The following ZBTB39 variants were observed in gnomAD, a reference collection of about 807,000 sequenced individuals.
The protein encoded by ZBTB39 is zinc finger and BTB domain containing 39, also known as zinc finger and BTB domain-containing protein 39.
ZBTB39 carries 25 observed loss-of-function variants against 39.4 expected under a neutral mutation model. That is an observed-to-expected ratio of 0.63 (90% CI 0.46 to 0.89). The LOEUF (loss-of-function observed/expected upper bound fraction) is 0.89, where lower values mean the gene tolerates loss of function less well. Among genes scored for constraint, ZBTB39 ranks in the 40% least tolerant of loss-of-function variants. The pLI, the probability that ZBTB39 is intolerant of heterozygous loss-of-function variation, is 0.00. For synonymous variants in ZBTB39, 373 were observed against 359.6 expected (o/e 1.04, Z -0.42); for missense variants, 891 against 909.7 (o/e 0.98, Z 0.26).
rs983338125 is a variant in ZBTB39 at position 57,003,844 on chromosome 12, C to T, written c.1074G>A (p.Leu358=). The T allele has an allele frequency of 1.2e-6, 2 of 1,614,074 alleles. No individual in the cohort carries two copies. The highest frequency in any genetic ancestry group is 2.7e-5 in the African/African-American group (2 of 74,922). ...CATGGTCCCGAGCATGCTGCCGGAT[C>T]AGTTGAATGTTGGGCTCTAGAACTT... is the stretch of plus-strand genomic sequence containing the variant. ...CKKVLEPNIQ[L]IRQHARDHVD... The change falls in exon 2 of 2, where the codon CTG becomes CTA. Residue 358 remains leucine (L), a synonymous_variant. Transcript: ENST00000300101. This position sits in a 1 kb window ranked among gnomAD's most constrained non-coding sequence, Gnocchi z 4.8.
Position 56,998,933 on chromosome 12 carries a change from A to C in ZBTB39, c.*3846T>G, listed in dbSNP as rs183341835. Reference sequence around the variant, plus strand: ...TGTACAATGATTTTAGACATCTACTATTTGGGGAAAAAAGTTTACAAAATA... The same window carrying C: ...TGTACAATGATTTTAGACATCTACTCTTTGGGGAAAAAAGTTTACAAAATA... On this transcript the variant is annotated 3_prime_UTR_variant, in exon 2 of 2. Coordinates refer to ENST00000300101, the MANE Select transcript of ZBTB39 (RefSeq NM_014830.3). 6.5e-6 allele frequency: 1 copy of C among 152,806 alleles called. No homozygotes were observed. The highest frequency in any genetic ancestry group is 1.9e-4 in the East Asian group (1 of 5,196). The allele number at this position is 152,806 out of a possible 1,614,324, so 9.5% of individuals were successfully genotyped here. A position where few individuals can be genotyped will look rare whatever the true frequency, so the allele number is the denominator to read the frequency against.
rs747749909 is a variant in ZBTB39, at chr12:57,002,789, G to A, written c.2129C>T (p.Pro710Leu). Reference sequence around the variant, plus strand: ...TCTGCCGGGACCCAGTCAACTGTCCGGGTTCTTATCCGCCTCTTTGGAATG... The same window carrying A: ...TCTGCCGGGACCCAGTCAACTGTCCAGGTTCTTATCCGCCTCTTTGGAATG... ...IIHSKEADKN[P>L]DS The change falls in exon 2 of 2, where the codon CCG (proline) becomes CTG (leucine). Residue 710 changes from proline to leucine, a missense_variant. Pro to Leu is a moderately conservative substitution (Grantham distance 98). Coordinates refer to ENST00000300101, the MANE Select transcript of ZBTB39 (RefSeq NM_014830.3). 1.9e-5 allele frequency: 31 copies of A among 1,613,424 alleles called. No individual in the cohort carries two copies. Among genetic ancestry groups the A allele is most frequent in the East Asian group, 2.2e-5 (1 of 44,884 alleles).
At position 57,003,455 on chromosome 12, in the gene ZBTB39, C is replaced by T. The variant is rs773932686; in HGVS notation, c.1463G>A (p.Arg488His). 1.6e-5 allele frequency: 26 copies of T among 1,613,478 alleles called. No individual in the cohort carries two copies. Among genetic ancestry groups the T allele is most frequent in the South Asian group, 3.3e-5 (3 of 91,082 alleles). Residue 488 changes from arginine to histidine, a missense_variant, in exon 2 of 2, where the codon CGT becomes CAT. Coordinates refer to ENST00000300101, the MANE Select transcript of ZBTB39 (RefSeq NM_014830.3). This position sits in a 1 kb window ranked among gnomAD's most constrained non-coding sequence, Gnocchi z 4.8. Reference protein sequence around the residue: ...KGQACSVCDQRHLNLCSLMWH... With the variant: ...KGQACSVCDQHHLNLCSLMWH... ...CATGAGGCTGCAGAGGTTAAGGTGA[C>T]GCTGGTCGCAGACACTGCAGGCCTG...
rs768615215 is a variant in ZBTB39 at position 57,004,483 on chromosome 12, C to G, written c.435G>C (p.Leu145=). ...GGGCAGGTTCTGCCGAAGGACAACT[C>G]AGGGTACCAGAGTGGCTCTCACTGG... is the stretch of plus-strand genomic sequence containing the variant. ...TSTSESHSGT[L]SCPSAEPAHP... Residue 145 remains leucine (L), a synonymous_variant, in exon 2 of 2, where the codon CTG becomes CTC. Transcript: ENST00000300101. 1.2e-6 allele frequency: 2 copies of G among 1,614,200 alleles called. No homozygotes were observed. Among genetic ancestry groups the G allele is most frequent in the Non-Finnish European group, 8.5e-7 (1 of 1,180,034 alleles).
rs1459610630 is a variant in ZBTB39, at chr12:57,004,307, G to C, written c.611C>G (p.Pro204Arg). ...NHSLHLPQPP[P>R]PPPKTEDHDT... is the part of the protein sequence containing the mutation. Reference sequence around the variant, plus strand: ...ATGGTCTTCTGTCTTTGGCGGTGGTGGGGGCGGTTGCGGCAGATGCAGGCT... The same window carrying C: ...ATGGTCTTCTGTCTTTGGCGGTGGTCGGGGCGGTTGCGGCAGATGCAGGCT... Residue 204 changes from proline to arginine, a missense_variant, in exon 2 of 2, where the codon CCA (proline) becomes CGA (arginine). Transcript: ENST00000300101. The C allele has an allele frequency of 1.2e-6, 2 of 1,614,166 alleles. No homozygotes were observed. Among genetic ancestry groups the C allele is most frequent in the Admixed American group, 3.3e-5 (2 of 60,028 alleles).
Position 57,004,596 on chromosome 12 carries a change from G to T in ZBTB39, c.322C>A (p.Arg108Ser). The change falls in exon 2 of 2, where the codon CGT (arginine) becomes AGT (serine). Residue 108 changes from arginine (R) to serine (S), a missense_variant. By Grantham distance (110) the Arg-to-Ser change is moderately radical. Coordinates refer to ENST00000300101, the MANE Select transcript of ZBTB39 (RefSeq NM_014830.3). ...TGGAGGAGGTCCTCCATACCCAGAC[G>T]CTCAGCTACCTCGTAGATGACCCCA... ...NVGVIYEVAERLGMEDLLQAC... is the reference protein window; with the variant it reads ...NVGVIYEVAESLGMEDLLQAC... 6.2e-7 allele frequency: 1 copy of T among 1,614,184 alleles called. No homozygotes were observed. The highest frequency in any genetic ancestry group is 2.2e-5 in the East Asian group (1 of 44,882).
chr12:57,006,310 G>T, intron 1 of ZBTB39, 95 bp downstream of exon 1: 1 of 152,794 alleles, frequency 6.5e-6, no homozygotes, highest in South Asian at 1.9e-4. Flanking sequence ...CCGGCCGAAG[G>T]GAGCGGGCAA....
At chr12:57,005,062 A>G (rs774017645) in intron 1 of ZBTB39, 101 bp from the exon 2 acceptor site, 54 of 833,486 alleles carry the variant, frequency 6.5e-5, no homozygotes, top group Non-Finnish European at 9.6e-5. Flanking sequence ...TCCAAGCCCC[A>G]GGTAGGGATC....
chr12:57,003,162 C>T lies in ZBTB39; in HGVS notation c.1756G>A (p.Ala586Thr). 6.2e-7 allele frequency: 1 copy of T among 1,614,152 alleles called. No individual in the cohort carries two copies. The highest frequency in any genetic ancestry group is 8.5e-7 in the Non-Finnish European group (1 of 1,180,018). Residue 586 changes from alanine to threonine, a missense_variant, in exon 2 of 2, where the codon GCA becomes ACA. Physicochemically the swap from Ala to Thr is moderately conservative, Grantham distance 58 (BLOSUM62 0). Transcript: ENST00000300101. This position sits in a 1 kb window ranked among gnomAD's most constrained non-coding sequence, Gnocchi z 4.8. Reference sequence around the variant, plus strand: ...AGCTCTTCACCCAGAAACTCCTCTGCTGGCAGCTTCCGCTTCTGGAGAGCT... The same window carrying T: ...AGCTCTTCACCCAGAAACTCCTCTGTTGGCAGCTTCCGCTTCTGGAGAGCT... ...HPALQKRKLPAEEFLGEELAL... is the reference protein window; with the variant it reads ...HPALQKRKLPTEEFLGEELAL...
rs762906895 is a variant in ZBTB39 at position 57,003,759 on chromosome 12, G to A, written c.1159C>T (p.Arg387Trp). The A allele has an allele frequency of 6.2e-6, 10 of 1,614,218 alleles. No individual in the cohort carries two copies. The highest frequency in any genetic ancestry group is 6.8e-6 in the Non-Finnish European group (8 of 1,180,028). Residue 387 changes from arginine to tryptophan, a missense_variant, in exon 2 of 2, where the codon CGG becomes TGG. Coordinates refer to ENST00000300101, the MANE Select transcript of ZBTB39 (RefSeq NM_014830.3). This position sits in a 1 kb window ranked among gnomAD's most constrained non-coding sequence, Gnocchi z 4.8. ...CETHFQDRNS[R>W]VTHVLSHIGI... ...ATGTGGGACAGGACATGAGTTACCC[G>A]GGAGTTTCGGTCCTGGAAGTGGGTC...
rs1956209789 is a variant in ZBTB39 at position 57,001,507 on chromosome 12, G to T, written c.*1272C>A. 6.6e-6 allele frequency: 1 copy of T among 152,666 alleles called. No homozygotes were observed. The highest frequency in any genetic ancestry group is 1.5e-5 in the Non-Finnish European group (1 of 68,062). The allele number at this position is 152,666 out of a possible 1,614,324, so 9.5% of individuals were successfully genotyped here. On this transcript the variant is annotated 3_prime_UTR_variant, in exon 2 of 2. Coordinates refer to ENST00000300101, the MANE Select transcript of ZBTB39 (RefSeq NM_014830.3). The stretch of plus-strand genomic sequence containing the variant: ...AGACTTCTTTGGGCAAAGCCCCTTA[G>T]AAAACCAAGTAAGAGTGGAGCTAAC...
Position 57,004,953 on chromosome 12 carries a change from A to C in ZBTB39, c.-36T>G. On this transcript the variant is annotated 5_prime_UTR_variant, in exon 2 of 2. Coordinates refer to ENST00000300101, the MANE Select transcript of ZBTB39 (RefSeq NM_014830.3). ...CCTATGAAATTACCTCCTTATCAGCACAGTTAATCTGTGGATAGCAAGAGA... is the reference window on the plus strand; with the variant it reads ...CCTATGAAATTACCTCCTTATCAGCCCAGTTAATCTGTGGATAGCAAGAGA... The C allele has an allele frequency of 6.5e-7, 1 of 1,541,192 alleles. No homozygotes were observed. Among genetic ancestry groups the C allele is most frequent in the Non-Finnish European group, 8.8e-7 (1 of 1,139,948 alleles).
Position 57,003,309 on chromosome 12 carries a change from G to A in ZBTB39, c.1609C>T (p.Leu537Phe). Residue 537 changes from leucine to phenylalanine, a missense_variant, in exon 2 of 2, where the codon CTC becomes TTC. Physicochemically the swap from Leu to Phe is conservative, Grantham distance 22. Transcript: ENST00000300101. The surrounding 1 kb of genome is among the most constrained non-coding windows in gnomAD (Gnocchi z 4.8). Reference sequence around the variant, plus strand: ...TGGCTGCACAAGCGGCAGTGGAAGAGGGCGTCTTCCAGACTTTGGTGCACA... The same window carrying A: ...TGGCTGCACAAGCGGCAGTGGAAGAAGGCGTCTTCCAGACTTTGGTGCACA... ...MAVHQSLEDALFHCRLCSQSF... is the reference protein window; with the variant it reads ...MAVHQSLEDAFFHCRLCSQSF... 1 of 1,614,018 alleles carries A rather than the reference G, an allele frequency of 6.2e-7. No individual in the cohort carries two copies. The highest frequency in any genetic ancestry group is 8.5e-7 in the Non-Finnish European group (1 of 1,179,938).
In ZBTB39 at chr12:57,006,209, G is replaced by A. The variant is rs562533885; in HGVS notation, c.-45+196C>T. 1.5e-3 allele frequency among the ~76,000 whole-genome samples: 232 copies of A among 152,104 alleles called. 1 individual carries two copies. The highest frequency in any genetic ancestry group is 5.4e-3 in the African/African-American group (226 of 41,538). ...CACAAACAGCGCGGGGCTCACCCGG[G>A]TGAGCCTGTTGGGGGCATGGGGCTG... On this transcript the variant is annotated intron_variant, in intron 1 of 1. Transcript: ENST00000300101.
At position 56,999,051 on chromosome 12, in the gene ZBTB39, T is replaced by G. The variant is rs894304603; in HGVS notation, c.*3728A>C. The G allele has an allele frequency of 6.6e-6, 1 of 152,630 alleles. No individual in the cohort carries two copies. The highest frequency in any genetic ancestry group is 2.4e-5 in the African/African-American group (1 of 41,440). 9.5% of individuals were successfully genotyped at this position (152,630 alleles called of 1,614,324 possible). On this transcript the variant is annotated 3_prime_UTR_variant, in exon 2 of 2. Coordinates refer to ENST00000300101, the MANE Select transcript of ZBTB39 (RefSeq NM_014830.3). ...GGAAGGAGTTAGACGTCAACAACTC[T>G]TCTCTGTTTCATAAGAGACTTTAGC...
Position 57,003,383 on chromosome 12 carries a change from A to G in ZBTB39, c.1535T>C (p.Val512Ala). 6.2e-7 allele frequency: 1 copy of G among 1,614,180 alleles called. No homozygotes were observed. The highest frequency in any genetic ancestry group is 1.1e-5 in the South Asian group (1 of 91,068). Reference sequence around the variant, plus strand: ...CCAGTCCACAAAGCTGTTCGCACAGACAGAACAGGAGAAGACTGAGATGCC... The same window carrying G: ...CCAGTCCACAAAGCTGTTCGCACAGGCAGAACAGGAGAAGACTGAGATGCC... Reference protein sequence around the residue: ...HLGISVFSCSVCANSFVDWHL... With the variant: ...HLGISVFSCSACANSFVDWHL... The change falls in exon 2 of 2, where the codon GTC (valine) becomes GCC (alanine). Residue 512 changes from valine to alanine, a missense_variant. Val to Ala is a moderately conservative substitution (Grantham distance 64, BLOSUM62 0). Transcript: ENST00000300101. The surrounding 1 kb of genome is among the most constrained non-coding windows in gnomAD (Gnocchi z 4.8).
At position 56,999,010 on chromosome 12, in the gene ZBTB39, T is replaced by C. The variant is rs1215313869; in HGVS notation, c.*3769A>G. The stretch of plus-strand genomic sequence containing the variant: ...AAACACTTAAATATTAGGAGGTCAG[T>C]ACTTATTAATTTAATGGAAGGAGTT... On this transcript the variant is annotated 3_prime_UTR_variant, in exon 2 of 2. Coordinates refer to ENST00000300101, the MANE Select transcript of ZBTB39 (RefSeq NM_014830.3). The C allele has an allele frequency of 6.6e-6, 1 of 152,634 alleles. No individual in the cohort carries two copies. The highest frequency in any genetic ancestry group is 2.4e-5 in the African/African-American group (1 of 41,452). The allele number at this position is 152,634 out of a possible 1,614,324, so 9.5% of individuals were successfully genotyped here. A position where few individuals can be genotyped will look rare whatever the true frequency, so the allele number is the denominator to read the frequency against.
Position 57,004,274 on chromosome 12 carries a change from G to A in ZBTB39, c.644C>T (p.Pro215Leu). ...GCTAGGAATGGACGTGAAGGGAGCA[G>A]GGGTGTCATGGTCTTCTGTCTTTGG... ...PPPKTEDHDTPAPFTSIPSMM... is the reference protein window; with the variant it reads ...PPPKTEDHDTLAPFTSIPSMM... Residue 215 changes from proline (P) to leucine (L), a missense_variant, in exon 2 of 2, where the codon CCT becomes CTT. Transcript: ENST00000300101. 6.2e-7 allele frequency: 1 copy of A among 1,614,224 alleles called. No individual in the cohort carries two copies. The highest frequency in any genetic ancestry group is 8.5e-7 in the Non-Finnish European group (1 of 1,180,042).
chr12:57,003,838 C>A lies in ZBTB39; in HGVS notation c.1080G>T (p.Arg360=), dbSNP rs532774198. The change falls in exon 2 of 2, where the codon CGG becomes CGT. Residue 360 remains arginine, a synonymous_variant. Transcript: ENST00000300101. This position sits in a 1 kb window ranked among gnomAD's most constrained non-coding sequence, Gnocchi z 4.8. ...GGTCCACATGGTCCCGAGCATGCTGCCGGATCAGTTGAATGTTGGGCTCTA... is the reference window on the plus strand; with the variant it reads ...GGTCCACATGGTCCCGAGCATGCTGACGGATCAGTTGAATGTTGGGCTCTA... ...KVLEPNIQLI[R]QHARDHVDLL... 1.2e-6 allele frequency: 2 copies of A among 1,614,192 alleles called. No homozygotes were observed. Among genetic ancestry groups the A allele is most frequent in the South Asian group, 2.2e-5 (2 of 91,082 alleles).
Sources: allele counts gnomAD v4.1 joint callset (sites outside exome capture counted in the v4.1 genomes callset), GRCh38; gene constraint gnomAD v4.1.1; non-coding constraint Gnocchi (gnomAD v3.1); transcripts MANE v1.5; gene names NCBI Gene and HGNC (gene_info 2026-07-23, HGNC 2026-07-21).